The following ADGRA3 variants were observed in gnomAD, a reference collection of about 807,000 sequenced individuals.
The protein encoded by ADGRA3 is G-protein coupled receptor 125.
A neutral mutation model predicts 119.8 loss-of-function variants in ADGRA3; 56 were observed. The observed-to-expected ratio is 0.47, with a 90% confidence interval of 0.38 to 0.58. The LOEUF is 0.58. ADGRA3 is among the 20% of genes least tolerant of loss of function. ADGRA3 has a pLI of 0.00. For missense variants in ADGRA3, 1,516 were observed against 1,649.0 expected (o/e 0.92, Z 1.40); for synonymous variants, 607 against 623.8 (o/e 0.97, Z 0.40).
rs1336852026 is a variant in ADGRA3 at position 22,387,574 on chromosome 4, A to C, written c.*131T>G. The C allele has an allele frequency of 1.1e-6, 1 of 893,948 alleles. No homozygotes were observed. Among genetic ancestry groups the C allele is most frequent in the African/African-American group, 1.7e-5 (1 of 59,736 alleles). The allele number at this position is 893,948 out of a possible 1,614,324, so 55.4% of individuals were successfully genotyped here. ...TTGGGGATAAAAATAAGTAAAATCC[A>C]AAACTTCAAAGTTTATTCCAAATTC... On this transcript the variant is annotated 3_prime_UTR_variant, in exon 19 of 19. Coordinates refer to ENST00000334304, the MANE Select transcript of ADGRA3 (RefSeq NM_145290.4).
At chr4:22,463,357 T>C (rs1717540333) in intron 2 of ADGRA3, among the ~76,000 whole-genome samples, 1 of 152,202 alleles carries the variant, frequency 6.6e-6, no homozygotes, top group African/African-American at 2.4e-5. Context: ...TTCCTGGAAG[T>C]AGACCCTGGA....
At chr4:22,426,963 T>C (rs1335625537) in intron 10 of ADGRA3, among the ~76,000 whole-genome samples, 2 of 152,234 alleles carry the variant, frequency 1.3e-5, no homozygotes, top group Non-Finnish European at 2.9e-5. Context: ...ACTCTTGCTA[T>C]GTCAGTTACT....
intron 1 of ADGRA3, among the ~76,000 whole-genome samples, chr4:22,476,897 C>G (rs1718064994): frequency 6.6e-6 from 1 of 152,010 alleles, no homozygotes; most frequent in Admixed American, 6.6e-5. Flanking sequence ...GAACTCCTGA[C>G]CTCAGATGAT....
intron 4 of ADGRA3, among the ~76,000 whole-genome samples, chr4:22,448,073 G>T (rs1212694093): frequency 6.6e-6 from 1 of 152,108 alleles, no homozygotes; most frequent in Non-Finnish European, 1.5e-5. Flanking sequence ...TGTGTTAGCA[G>T]GCTTCAATAC....
At chr4:22,479,030 A>C (rs1334255810) in intron 1 of ADGRA3, among the ~76,000 whole-genome samples, 1 of 152,158 alleles carries the variant, frequency 6.6e-6, no homozygotes, top group African/African-American at 2.4e-5. Flanking sequence ...TCTCTAAAAA[A>C]AAACTAAGAA....
intron 14 of ADGRA3, among the ~76,000 whole-genome samples, chr4:22,410,003 A>T (rs1230401071): frequency 6.6e-6 from 1 of 152,152 alleles, no homozygotes; most frequent in Non-Finnish European, 1.5e-5. Flanking sequence ...CAAAAACATC[A>T]CTAGCATTTA....
chr4:22,402,082 T>C (rs1714686866), intron 15 of ADGRA3, among the ~76,000 whole-genome samples: 1 of 152,198 alleles, frequency 6.6e-6, no homozygotes, highest in Non-Finnish European at 1.5e-5. Context: ...CATATATGTC[T>C]AGCTTAAACA....
intron 16 of ADGRA3, 24 bp downstream of exon 16, chr4:22,401,407 T>A: frequency 6.4e-7 from 1 of 1,570,726 alleles, no homozygotes. Flanking sequence ...ATTTTTTCCA[T>A]TTCGGTTTTT....
At chr4:22,490,202 C>G (rs571831119) in intron 1 of ADGRA3, among the ~76,000 whole-genome samples, 1 of 152,104 alleles carries the variant, frequency 6.6e-6, no homozygotes, top group African/African-American at 2.4e-5. Flanking sequence ...AAAATTGAAG[C>G]GTTTTTAATG....
At chr4:22,469,467 C>T (rs557921333) in intron 2 of ADGRA3, among the ~76,000 whole-genome samples, 1 of 152,298 alleles carries the variant, frequency 6.6e-6, no homozygotes, top group Admixed American at 6.5e-5. Context: ...TTGACCCACA[C>T]CCACTTCTTC....
chr4:22,411,347 C>T (rs562765884), intron 14 of ADGRA3, among the ~76,000 whole-genome samples: 1 of 152,132 alleles, frequency 6.6e-6, no homozygotes, highest in East Asian at 1.9e-4. Flanking sequence ...GCCTATAATC[C>T]CAGCACTTTC....
At chr4:22,467,988 C>T (rs61792036) in intron 2 of ADGRA3, among the ~76,000 whole-genome samples, 13,219 of 152,152 alleles carry the variant, frequency 0.087, 827 homozygotes, top group African/African-American at 0.18. Context: ...TATCAGAACC[C>T]TCAACTCAAA....
chr4:22,406,396 C>T (rs921019579), intron 14 of ADGRA3, among the ~76,000 whole-genome samples: 1 of 152,198 alleles, frequency 6.6e-6, no homozygotes, highest in African/African-American at 2.4e-5. Flanking sequence ...AAGAAACTTA[C>T]AAACTACTTT....
chr4:22,430,963 C>T (rs367907933), intron 10 of ADGRA3, among the ~76,000 whole-genome samples: 4 of 152,310 alleles, frequency 2.6e-5, no homozygotes, highest in South Asian at 4.1e-4. Context: ...AACCCCCAAG[C>T]CTTGGCAGCT....
At chr4:22,412,262 T>C (rs1715237978) in intron 14 of ADGRA3, among the ~76,000 whole-genome samples, 1 of 152,142 alleles carries the variant, frequency 6.6e-6, no homozygotes, top group Admixed American at 6.6e-5. Context: ...TTGATGTCAG[T>C]ATTTATAATA....
intron 14 of ADGRA3, among the ~76,000 whole-genome samples, chr4:22,404,918 T>C (rs1311260528): frequency 6.6e-6 from 1 of 152,206 alleles, no homozygotes; most frequent in Non-Finnish European, 1.5e-5. Context: ...AACTAATAAC[T>C]GAGGATAAAC....
intron 17 of ADGRA3, among the ~76,000 whole-genome samples, chr4:22,389,656 C>CT (rs545955691): frequency 7.2e-4 from 109 of 152,230 alleles, no homozygotes; most frequent in African/African-American, 2.5e-3. Context: ...TGCTGTGTAT[C>CT]TCATCGCCAG....
chr4:22,489,945 T>G (rs1183448078), intron 1 of ADGRA3, among the ~76,000 whole-genome samples: 1 of 152,206 alleles, frequency 6.6e-6, no homozygotes, highest in African/African-American at 2.4e-5. Flanking sequence ...ATAATTACAC[T>G]GAGACAACAG....
At chr4:22,479,201 C>T (rs1263116077) in intron 1 of ADGRA3, among the ~76,000 whole-genome samples, 2 of 152,106 alleles carry the variant, frequency 1.3e-5, no homozygotes, top group African/African-American at 2.4e-5. Context: ...CGGTGGCTCA[C>T]GCCTGTAATC....
Sources: allele counts gnomAD v4.1 joint callset (sites outside exome capture counted in the v4.1 genomes callset), GRCh38; gene constraint gnomAD v4.1.1; transcripts MANE v1.5; gene names NCBI Gene and HGNC (gene_info 2026-07-23, HGNC 2026-07-21).